Variants in SGCZ observed in about 807,000 individuals in gnomAD.
SGCZ encodes the protein zeta-sarcoglycan.
In SGCZ, 40 loss-of-function variants were observed where a neutral mutation model predicts 41.3. The observed-to-expected ratio is 0.97, with a 90% CI of 0.75 to 1.26. The LOEUF is 1.26. SGCZ is among the 50% of genes most tolerant of loss of function. The pLI is 0.00. For synonymous variants in SGCZ, 206 were observed against 137.5 expected (o/e 1.50, Z -3.49); for missense variants, 552 against 369.8 (o/e 1.49, Z -4.04).
intron 1 of SGCZ, among the ~76,000 whole-genome samples, chr8:14,664,428 C>A: frequency 6.6e-6 from 1 of 152,052 alleles, no homozygotes; most frequent in Non-Finnish European, 1.5e-5. Context: ...AAAGAAATAC[C>A]AATATTTGTT....
chr8:14,582,432 T>C (rs1804921799), intron 1 of SGCZ, among the ~76,000 whole-genome samples: 1 of 152,146 alleles, frequency 6.6e-6, no homozygotes, highest in Admixed American at 6.5e-5. Flanking sequence ...TATGCACATA[T>C]AATACGTAAT....
intron 1 of SGCZ, among the ~76,000 whole-genome samples, chr8:14,800,788 T>C (rs727387): frequency 0.44 from 67,180 of 151,954 alleles, 15,549 homozygotes; most frequent in East Asian, 0.73. Context: ...GTGTCTAGTA[T>C]GTTTTATAGC....
chr8:14,821,798 G>C (rs946073097), intron 1 of SGCZ, among the ~76,000 whole-genome samples: 1 of 151,888 alleles, frequency 6.6e-6, no homozygotes, highest in African/African-American at 2.4e-5. Flanking sequence ...AACAAATTAG[G>C]TATAAATGGC....
intron 1 of SGCZ, among the ~76,000 whole-genome samples, chr8:14,841,703 GTCAGA>G (rs1802921111): frequency 6.6e-6 from 1 of 152,170 alleles, no homozygotes; most frequent in African/African-American, 2.4e-5. Flanking sequence ...TGGAATTACT[GTCAGA>G]AAGCACAAGT....
At chr8:14,195,178 A>C (rs1488834368) in intron 4 of SGCZ, among the ~76,000 whole-genome samples, 1 of 152,106 alleles carries the variant, frequency 6.6e-6, no homozygotes, top group Non-Finnish European at 1.5e-5. Flanking sequence ...ACATGCATAA[A>C]TGGACATTAA....
chr8:14,676,446 G>T (rs1808282050), intron 1 of SGCZ, among the ~76,000 whole-genome samples: 1 of 152,052 alleles, frequency 6.6e-6, no homozygotes, highest in South Asian at 2.1e-4. Flanking sequence ...TTGAGTCCAG[G>T]ACTTCGAGGC....
At chr8:14,383,789 C>T (rs17119223) in intron 2 of SGCZ, among the ~76,000 whole-genome samples, 3 of 151,970 alleles carry the variant, frequency 2.0e-5, no homozygotes, top group Non-Finnish European at 4.4e-5. Context: ...AGGGACTGTA[C>T]AGTTGAATGT....
chr8:14,950,332 T>C (rs892727628), intron 1 of SGCZ, among the ~76,000 whole-genome samples: 8 of 151,832 alleles, frequency 5.3e-5, no homozygotes, highest in Non-Finnish European at 1.0e-4. Context: ...TCCCTCTTTG[T>C]CCCTCATTTC....
intron 1 of SGCZ, among the ~76,000 whole-genome samples, chr8:14,701,520 G>A (rs1809136021): frequency 6.6e-6 from 1 of 151,906 alleles, no homozygotes; most frequent in East Asian, 1.9e-4. Flanking sequence ...AAAACAACCA[G>A]CAATCACTTT....
chr8:14,993,458 T>C (rs549921601), intron 1 of SGCZ, among the ~76,000 whole-genome samples: 4 of 152,232 alleles, frequency 2.6e-5, no homozygotes, highest in Admixed American at 2.0e-4. Flanking sequence ...ACTATCAAGA[T>C]AGACCATAAA....
At chr8:15,200,212 C>T (rs1421376006) in intron 1 of SGCZ, among the ~76,000 whole-genome samples, 1 of 152,226 alleles carries the variant, frequency 6.6e-6, no homozygotes, top group African/African-American at 2.4e-5. Flanking sequence ...TACTGATTTA[C>T]ATCTGTAGCT....
chr8:14,980,059 T>G (rs567381065), intron 1 of SGCZ, among the ~76,000 whole-genome samples: 1 of 152,280 alleles, frequency 6.6e-6, no homozygotes, highest in African/African-American at 2.4e-5. Context: ...TACCAAAATT[T>G]TGAAAAGTAA....
chr8:14,276,926 C>A (rs1800255893), intron 3 of SGCZ, among the ~76,000 whole-genome samples: 1 of 152,106 alleles, frequency 6.6e-6, no homozygotes, highest in South Asian at 2.1e-4. Flanking sequence ...CAATGGAAAC[C>A]CCTAGAGAAT....
intron 3 of SGCZ, among the ~76,000 whole-genome samples, chr8:14,251,610 A>G (rs1276607576): frequency 3.3e-5 from 5 of 152,204 alleles, no homozygotes; most frequent in Non-Finnish European, 5.9e-5. Flanking sequence ...AGTTATAGCA[A>G]CTAAACCCAT....
chr8:14,211,558 C>G (rs1805807457), intron 4 of SGCZ, among the ~76,000 whole-genome samples: 1 of 151,986 alleles, frequency 6.6e-6, no homozygotes, highest in African/African-American at 2.4e-5. Flanking sequence ...GTTCCCCAGG[C>G]TTAAAAGGAA....
chr8:15,017,516 T>C (rs912750211), intron 1 of SGCZ, among the ~76,000 whole-genome samples: 3 of 152,178 alleles, frequency 2.0e-5, no homozygotes, highest in Non-Finnish European at 4.4e-5. Flanking sequence ...CATTATTTTT[T>C]TTTGAGACAG....
chr8:15,228,372 A>G (rs1801841436), intron 1 of SGCZ, among the ~76,000 whole-genome samples: 1 of 152,158 alleles, frequency 6.6e-6, no homozygotes, highest in African/African-American at 2.4e-5. Flanking sequence ...AAGACACGAC[A>G]CTGTGCACAG....
chr8:14,239,698 C>G (rs937701074), intron 3 of SGCZ, among the ~76,000 whole-genome samples: 41 of 151,276 alleles, frequency 2.7e-4, no homozygotes, highest in African/African-American at 9.7e-4. Flanking sequence ...GTCAGGAGAT[C>G]GAGACCATCC....
At chr8:14,841,154 A>C (rs972564648) in intron 1 of SGCZ, among the ~76,000 whole-genome samples, 2 of 152,144 alleles carry the variant, frequency 1.3e-5, no homozygotes, top group African/African-American at 4.8e-5. Flanking sequence ...TTAAGTTTAA[A>C]TGCTGCATGT....
Sources: gnomAD v4.1 joint callset for allele counts (sites outside exome capture counted in the v4.1 genomes callset) on GRCh38, gnomAD v4.1.1 for gene constraint, MANE v1.5 for transcripts, NCBI Gene and HGNC (gene_info 2026-07-23, HGNC 2026-07-21) for gene names.